Variants in GALR2 observed in about 807,000 individuals in gnomAD.
GALR2 encodes the protein galanin receptor 2, also known as galanin receptor type 2.
In GALR2, 5 loss-of-function variants were observed where a neutral mutation model predicts 7.2. The observed-to-expected ratio is 0.69, with a 90% CI of 0.36 to 1.45. The LOEUF is 1.45. Among genes scored for constraint, GALR2 ranks in the 40% most tolerant of loss-of-function variants. The pLI, the probability that GALR2 is intolerant of heterozygous loss-of-function variation, is 0.03. For missense variants in GALR2, 561 were observed against 555.7 expected (o/e 1.01, Z -0.10); for synonymous variants, 300 against 263.9 (o/e 1.14, Z -1.32).
upstream of GALR2, chr17:76,072,739 G>A: frequency 4.4e-6 from 3 of 674,788 alleles, no homozygotes; most frequent in South Asian, 4.2e-5. The surrounding 1 kb of genome is among the most constrained non-coding windows in gnomAD (Gnocchi z 4.5). Flanking sequence ...GAGATCTCAG[G>A]GGGCAGTCCC....
upstream of GALR2, chr17:76,074,688 C>A: frequency 1.7e-6 from 1 of 593,396 alleles, no homozygotes; most frequent in Non-Finnish European, 2.9e-6. This position sits in a 1 kb window ranked among gnomAD's most constrained non-coding sequence, Gnocchi z 6.7. Context: ...TGGGGACAAC[C>A]TCGCCCTCCT....
rs377747977 is a variant in GALR2 at position 76,077,190 on chromosome 17, C to G, written c.923C>G (p.Ala308Gly). 1.9e-6 allele frequency: 3 copies of G among 1,610,134 alleles called. No individual in the cohort carries two copies. In the African/African-American group the frequency reaches 4.0e-5, roughly 22 times the overall value. ...HFRKGFRTICAGLLGRAPGRA... is the reference protein window; with the variant it reads ...HFRKGFRTICGGLLGRAPGRA... Reference sequence around the variant, plus strand: ...CGCAAAGGCTTCCGCACGATCTGCGCGGGCCTGCTGGGCCGTGCCCCAGGC... The same window carrying G: ...CGCAAAGGCTTCCGCACGATCTGCGGGGGCCTGCTGGGCCGTGCCCCAGGC... The change falls in exon 2 of 2, where the codon GCG becomes GGG. Residue 308 changes from alanine (A) to glycine (G), a missense_variant. Ala to Gly is a moderately conservative substitution (Grantham distance 60). Transcript: ENST00000329003.
Position 76,076,732 on chromosome 17 carries a change from C to T in GALR2, c.465C>T (p.Leu155=), listed in dbSNP as rs1336033423. 1.2e-6 allele frequency: 2 copies of T among 1,605,112 alleles called. No individual in the cohort carries two copies. The highest frequency in any genetic ancestry group is 1.1e-5 in the South Asian group (1 of 91,076). ...GGCTCATCTGGGGGCTGTCGCTGCT[C>T]TTCTCCGGGCCCTACCTGAGCTACT... ...AIGLIWGLSL[L]FSGPYLSYYR... is the part of the protein sequence containing the mutation. The change falls in exon 2 of 2, where the codon CTC becomes CTT. Residue 155 remains leucine, a synonymous_variant. Transcript: ENST00000329003. This position sits in a 1 kb window ranked among gnomAD's most constrained non-coding sequence, Gnocchi z 6.5.
chr17:76,073,815 G>T (rs1415146535), upstream of GALR2, among the ~76,000 whole-genome samples: 1 of 151,676 alleles, frequency 6.6e-6, no homozygotes, highest in African/African-American at 2.4e-5. Context: ...CAGTATATTG[G>T]ATTGAATTGG....
Position 76,077,376 on chromosome 17 carries a change from C to A in GALR2, c.1109C>A (p.Pro370Gln). ...QPCILEPCPGPSWQGPKAGDS... is the reference protein window; with the variant it reads ...QPCILEPCPGQSWQGPKAGDS... Reference sequence around the variant, plus strand: ...TGCATCCTCGAGCCCTGTCCTGGCCCGTCCTGGCAGGGCCCAAAGGCAGGC... The same window carrying A: ...TGCATCCTCGAGCCCTGTCCTGGCCAGTCCTGGCAGGGCCCAAAGGCAGGC... The change falls in exon 2 of 2, where the codon CCG (proline) becomes CAG (glutamine). Residue 370 changes from proline to glutamine, a missense_variant. Coordinates refer to ENST00000329003, the MANE Select transcript of GALR2 (RefSeq NM_003857.4). 1 of 1,452,466 alleles carries A rather than the reference C, an allele frequency of 6.9e-7. No individual in the cohort carries two copies. The highest frequency in any genetic ancestry group is 2.4e-5 in the East Asian group (1 of 41,238). The allele number at this position is 1,452,466 out of a possible 1,614,324, so 90.0% of individuals were successfully genotyped here.
chr17:76,077,224 G>C lies in GALR2; in HGVS notation c.957G>C (p.Ser319=), dbSNP rs1170859307. 1 of 1,607,090 alleles carries C rather than the reference G, an allele frequency of 6.2e-7. No individual in the cohort carries two copies. Among genetic ancestry groups the C allele is most frequent in the South Asian group, 1.1e-5 (1 of 90,476 alleles). Residue 319 remains serine (S), a synonymous_variant, in exon 2 of 2, where the codon TCG becomes TCC. Transcript: ENST00000329003. The stretch of plus-strand genomic sequence containing the variant: ...TGGGCCGTGCCCCAGGCCGAGCCTC[G>C]GGCCGTGTGTGCGCTGCCGCGCGGG... ...GLLGRAPGRA[S]GRVCAAARGT...
At chr17:76,072,190 A>C, upstream of GALR2, 1 of 1,555,586 alleles carries the variant, frequency 6.4e-7, no homozygotes, top group East Asian at 2.4e-5. This position sits in a 1 kb window ranked among gnomAD's most constrained non-coding sequence, Gnocchi z 4.5. Context: ...AGGGCGAGAG[A>C]AACTGCAACC....
chr17:76,075,309 G>A lies in GALR2; in HGVS notation c.368+58G>A. On this transcript the variant is annotated intron_variant, in intron 1 of 1. Transcript: ENST00000329003. The surrounding 1 kb of genome is among the most constrained non-coding windows in gnomAD (Gnocchi z 5.9). ...GGCATCCACGCGGGGGATGGAGCGGGAGGCGGGACTGGGGACCAAGAAGGG... is the reference window on the plus strand; with the variant it reads ...GGCATCCACGCGGGGGATGGAGCGGAAGGCGGGACTGGGGACCAAGAAGGG... 6.5e-7 allele frequency: 1 copy of A among 1,550,014 alleles called. No homozygotes were observed. The highest frequency in any genetic ancestry group is 8.7e-7 in the Non-Finnish European group (1 of 1,150,798).
chr17:76,076,848 T>G lies in GALR2; in HGVS notation c.581T>G (p.Phe194Cys). 6.2e-7 allele frequency: 1 copy of G among 1,605,028 alleles called. No homozygotes were observed. The change falls in exon 2 of 2, where the codon TTC (phenylalanine) becomes TGC (cysteine). Residue 194 changes from phenylalanine to cysteine, a missense_variant. Physicochemically the swap from Phe to Cys is radical, Grantham distance 205 (BLOSUM62 -2). Coordinates refer to ENST00000329003, the MANE Select transcript of GALR2 (RefSeq NM_003857.4). This position sits in a 1 kb window ranked among gnomAD's most constrained non-coding sequence, Gnocchi z 6.5. ...RRAMDICTFVFSYLLPVLVLG... is the reference protein window; with the variant it reads ...RRAMDICTFVCSYLLPVLVLG... ...GCCATGGACATCTGCACCTTCGTCT[T>G]CAGCTACCTGCTTCCTGTGCTGGTT...
At chr17:76,072,701 T>A, upstream of GALR2, 1 of 953,024 alleles carries the variant, frequency 1.0e-6, no homozygotes, top group Non-Finnish European at 1.5e-6. This position sits in a 1 kb window ranked among gnomAD's most constrained non-coding sequence, Gnocchi z 4.5. Flanking sequence ...AGGTGGGGAC[T>A]TGAGGCCGCA....
Position 76,076,993 on chromosome 17 carries a change from C to T in GALR2, c.726C>T (p.Ala242=), listed in dbSNP as rs545102045. The T allele has an allele frequency of 6.2e-7, 1 of 1,609,324 alleles. No homozygotes were observed. Among genetic ancestry groups the T allele is most frequent in the African/African-American group, 1.3e-5 (1 of 75,060 alleles). The change falls in exon 2 of 2, where the codon GCC becomes GCT. Residue 242 remains alanine, a synonymous_variant. Transcript: ENST00000329003. The surrounding 1 kb of genome is among the most constrained non-coding windows in gnomAD (Gnocchi z 6.5). The stretch of plus-strand genomic sequence containing the variant: ...TGACACGCATGATCCTCATCGTGGC[C>T]GCGCTCTTCTGCCTCTGCTGGATGC... ...RKVTRMILIV[A]ALFCLCWMPH...
chr17:76,072,248 C>A (rs2066858776), upstream of GALR2: 1 of 1,601,608 alleles, frequency 6.2e-7, no homozygotes, highest in South Asian at 1.1e-5. The surrounding 1 kb of genome is among the most constrained non-coding windows in gnomAD (Gnocchi z 4.5). Flanking sequence ...CCTCTCCCGC[C>A]CCCAGCCCTC....
chr17:76,076,901 C>G lies in GALR2; in HGVS notation c.634C>G (p.Arg212Gly), dbSNP rs1438617401. 12 of 1,602,598 alleles carry G rather than the reference C, an allele frequency of 7.5e-6. No individual in the cohort carries two copies. Among genetic ancestry groups the G allele is most frequent in the Non-Finnish European group, 1.0e-5 (12 of 1,178,804 alleles). Residue 212 changes from arginine (R) to glycine (G), a missense_variant, in exon 2 of 2, where the codon CGC becomes GGC. Arg to Gly is a moderately radical substitution (Grantham distance 125). Coordinates refer to ENST00000329003, the MANE Select transcript of GALR2 (RefSeq NM_003857.4). The surrounding 1 kb of genome is among the most constrained non-coding windows in gnomAD (Gnocchi z 6.5). ...VLGLTYARTL[R>G]YLWRAVDPVA... ...CGGCCTGACCTACGCGCGCACCTTGCGCTACCTCTGGCGCGCCGTCGACCC... is the reference window on the plus strand; with the variant it reads ...CGGCCTGACCTACGCGCGCACCTTGGGCTACCTCTGGCGCGCCGTCGACCC...
upstream of GALR2, chr17:76,074,657 C>T (rs1007993220): frequency 4.7e-5 from 26 of 554,084 alleles, no homozygotes; most frequent in Non-Finnish European, 8.2e-5. The surrounding 1 kb of genome is among the most constrained non-coding windows in gnomAD (Gnocchi z 6.7). Context: ...CAGCCCTTCC[C>T]CCAGCGCCGC....
In GALR2 at chr17:76,077,147, C is replaced by T; in HGVS notation, c.880C>T (p.Leu294=). ...CTGCGTCAACCCCATCGTTTACGCG[C>T]TGGTCTCCAAGCACTTCCGCAAAGG... ...NSCVNPIVYA[L]VSKHFRKGFR... is the part of the protein sequence containing the mutation. Residue 294 remains leucine, a synonymous_variant, in exon 2 of 2, where the codon CTG becomes TTG. Coordinates refer to ENST00000329003, the MANE Select transcript of GALR2 (RefSeq NM_003857.4). The T allele has an allele frequency of 6.2e-7, 1 of 1,612,740 alleles. No homozygotes were observed. The highest frequency in any genetic ancestry group is 1.3e-5 in the African/African-American group (1 of 75,062).
At position 76,074,958 on chromosome 17, in the gene GALR2, G is replaced by A; in HGVS notation, c.75G>A (p.Ala25=). The A allele has an allele frequency of 6.3e-7, 1 of 1,586,234 alleles. No homozygotes were observed. The highest frequency in any genetic ancestry group is 8.5e-7 in the Non-Finnish European group (1 of 1,173,012). The change falls in exon 1 of 2, where the codon GCG becomes GCA. Residue 25 remains alanine (A), a synonymous_variant. Coordinates refer to ENST00000329003, the MANE Select transcript of GALR2 (RefSeq NM_003857.4). The surrounding 1 kb of genome is among the most constrained non-coding windows in gnomAD (Gnocchi z 6.7). ...GCGGGGGAGGCTGGCACCCCGAGGC[G>A]GTCATCGTGCCCCTGCTCTTCGCGC... ...AGGGGGWHPE[A]VIVPLLFALI...
rs8192513 is a variant in GALR2 at position 76,076,877 on chromosome 17, G to T, written c.610G>T (p.Gly204Cys). The T allele has an allele frequency of 6.2e-7, 1 of 1,603,686 alleles. No individual in the cohort carries two copies. Residue 204 changes from glycine (G) to cysteine (C), a missense_variant, in exon 2 of 2, where the codon GGC (glycine) becomes TGC (cysteine). By Grantham distance (159) the Gly-to-Cys change is radical. Transcript: ENST00000329003. The surrounding 1 kb of genome is among the most constrained non-coding windows in gnomAD (Gnocchi z 6.5). Reference sequence around the variant, plus strand: ...CTACCTGCTTCCTGTGCTGGTTCTCGGCCTGACCTACGCGCGCACCTTGCG... The same window carrying T: ...CTACCTGCTTCCTGTGCTGGTTCTCTGCCTGACCTACGCGCGCACCTTGCG... ...FSYLLPVLVL[G>C]LTYARTLRYL...
upstream of GALR2, chr17:76,074,656 C>T: frequency 1.8e-6 from 1 of 553,906 alleles, no homozygotes; most frequent in Non-Finnish European, 3.1e-6. This position sits in a 1 kb window ranked among gnomAD's most constrained non-coding sequence, Gnocchi z 6.7. Context: ...GCAGCCCTTC[C>T]CCCAGCGCCG....
Position 76,074,857 on chromosome 17 carries a change from C to CT in GALR2, c.-27_-26insT. On this transcript the variant is annotated 5_prime_UTR_variant, in exon 1 of 2. Transcript: ENST00000329003. This position sits in a 1 kb window ranked among gnomAD's most constrained non-coding sequence, Gnocchi z 6.7. ...CGGAGACCCAGACGGCTGCAGGAGC[C>CT]CGGGCAGCCTCGGGGTCAGCGGCAC... 1 of 1,470,764 alleles carries CT rather than the reference C, an allele frequency of 6.8e-7. No homozygotes were observed. Among genetic ancestry groups the CT allele is most frequent in the Admixed American group, 2.3e-5 (1 of 43,162 alleles). The allele number at this position is 1,470,764 out of a possible 1,614,324, so 91.1% of individuals were successfully genotyped here. A position where few individuals can be genotyped will look rare whatever the true frequency, so the allele number is the denominator to read the frequency against.
Sources: gnomAD v4.1 joint callset for allele counts (sites outside exome capture counted in the v4.1 genomes callset) on GRCh38, gnomAD v4.1.1 for gene constraint, Gnocchi (gnomAD v3.1) non-coding constraint, MANE v1.5 for transcripts, NCBI Gene and HGNC (gene_info 2026-07-23, HGNC 2026-07-21) for gene names.